DENND1A: variants seen among roughly 807,000 people sequenced by gnomAD.
DENND1A encodes the protein DENN domain containing 1A.
A neutral mutation model predicts 113.7 loss-of-function variants in DENND1A; 51 were observed. The observed-to-expected ratio is 0.45, with a 90% CI of 0.36 to 0.57. The LOEUF is 0.57. Among genes scored for constraint, DENND1A ranks in the 20% least tolerant of loss-of-function variants. The probability of loss-of-function intolerance (pLI) is 0.00; values close to 1 mark genes in which losing one functional copy is unlikely to be tolerated. For synonymous variants in DENND1A, 565 were observed against 570.8 expected (o/e 0.99, Z 0.14); for missense variants, 1,258 against 1,395.9 (o/e 0.90, Z 1.57).
At position 123,671,378 on chromosome 9, in the gene DENND1A, G is replaced by A; in HGVS notation, c.373-7C>T. 3 of 1,613,646 alleles carry A rather than the reference G, an allele frequency of 1.9e-6. No homozygotes were observed. Among genetic ancestry groups the A allele is most frequent in the Non-Finnish European group, 2.5e-6 (3 of 1,179,854 alleles). ...GCTCATTCCACTGATTTTCCTGAAA[G>A]AAATAAAAGGCCTAAGTAACAAAAG... On this transcript the variant is annotated splice_polypyrimidine_tract_variant and splice_region_variant and intron_variant, in intron 6 of 23. Coordinates refer to ENST00000394215, the MANE Select transcript of DENND1A (RefSeq NM_001352964.2).
At chr9:123,580,642 A>G (rs1453826451) in intron 12 of DENND1A, among the ~76,000 whole-genome samples, 1 of 152,330 alleles carries the variant, frequency 6.6e-6, no homozygotes, top group East Asian at 1.9e-4. Context: ...TGCCTGGTCC[A>G]TGCCTGAGAT....
chr9:123,707,210 C>T (rs1380121796), intron 5 of DENND1A, among the ~76,000 whole-genome samples: 1 of 152,150 alleles, frequency 6.6e-6, no homozygotes, highest in African/African-American at 2.4e-5. Flanking sequence ...GCCTGATCAA[C>T]ATCGAGAAAC....
At chr9:123,721,864 A>G (rs2067366587) in intron 5 of DENND1A, among the ~76,000 whole-genome samples, 1 of 152,188 alleles carries the variant, frequency 6.6e-6, no homozygotes, top group Non-Finnish European at 1.5e-5. Context: ...CAGCAGTGTG[A>G]AAACAGACTA....
At chr9:123,818,432 C>T (rs751235300) in intron 2 of DENND1A, among the ~76,000 whole-genome samples, 3 of 151,698 alleles carry the variant, frequency 2.0e-5, no homozygotes, top group Non-Finnish European at 4.4e-5. Flanking sequence ...GGTTGAGTAT[C>T]CCTTATCCGA....
intron 3 of DENND1A, among the ~76,000 whole-genome samples, chr9:123,776,866 G>T (rs1333778271): frequency 9.9e-5 from 15 of 152,172 alleles, no homozygotes; most frequent in Admixed American, 9.8e-4. Context: ...AAACGCAAAG[G>T]ACAGCTTAGA....
At position 123,382,468 on chromosome 9, in the gene DENND1A, C is replaced by A; in HGVS notation, c.2177G>T (p.Gly726Val). ...ASPEKPSALLGNSLALPRRPQ... is the reference protein window; with the variant it reads ...ASPEKPSALLVNSLALPRRPQ... ...CCTTCGAGGCAGGGCCAGGGAGTTTCCGAGCAGGGCTGAGGGCTTCTCAGG... is the reference window on the plus strand; with the variant it reads ...CCTTCGAGGCAGGGCCAGGGAGTTTACGAGCAGGGCTGAGGGCTTCTCAGG... The change falls in exon 24 of 24, where the codon GGA becomes GTA. Residue 726 changes from glycine to valine, a missense_variant. Transcript: ENST00000394215. 1 of 1,613,458 alleles carries A rather than the reference C, an allele frequency of 6.2e-7. No individual in the cohort carries two copies. The highest frequency in any genetic ancestry group is 8.5e-7 in the Non-Finnish European group (1 of 1,179,742).
chr9:123,744,911 G>A (rs1166783608), intron 5 of DENND1A, among the ~76,000 whole-genome samples: 5 of 151,816 alleles, frequency 3.3e-5, no homozygotes, highest in African/African-American at 7.3e-5. Context: ...GAGTAGCTGG[G>A]ATTACAGGCG....
chr9:123,556,794 C>T (rs1335273437), intron 13 of DENND1A, among the ~76,000 whole-genome samples: 1 of 152,246 alleles, frequency 6.6e-6, no homozygotes, highest in Non-Finnish European at 1.5e-5. Context: ...CCTGCATTCT[C>T]CTCAACCAGA....
At chr9:123,765,658 T>C (rs979434297) in intron 4 of DENND1A, among the ~76,000 whole-genome samples, 2 of 152,216 alleles carry the variant, frequency 1.3e-5, no homozygotes, top group African/African-American at 4.8e-5. Flanking sequence ...ATCCAATGCA[T>C]GTCTCAAGTG....
At chr9:123,792,742 G>A in intron 2 of DENND1A, 112 bp from the exon 3 acceptor site, 1 of 1,190,138 alleles carries the variant, frequency 8.4e-7, no homozygotes, top group Non-Finnish European at 1.2e-6. Flanking sequence ...GGGATCCAAG[G>A]GGGGCAGCTG....
At chr9:123,542,989 G>C (rs374088416) in intron 13 of DENND1A, among the ~76,000 whole-genome samples, 153 of 152,314 alleles carry the variant, frequency 1.0e-3, no homozygotes, top group East Asian at 4.6e-3. Context: ...GGACCTAGAG[G>C]ACCAAGTAGA....
At chr9:123,675,727 C>CTGA (rs1419044506) in intron 6 of DENND1A, among the ~76,000 whole-genome samples, 1 of 152,142 alleles carries the variant, frequency 6.6e-6, no homozygotes, top group African/African-American at 2.4e-5. Flanking sequence ...ACAAATGATC[C>CTGA]TGATGAGAGT....
At chr9:123,465,909 G>A (rs923127983) in intron 13 of DENND1A, among the ~76,000 whole-genome samples, 3 of 152,254 alleles carry the variant, frequency 2.0e-5, no homozygotes, top group Non-Finnish European at 2.9e-5. Flanking sequence ...GTATTTTATA[G>A]CTTGTACATG....
chr9:123,777,684 C>T lies in DENND1A; in HGVS notation c.133-8121G>A, dbSNP rs144659048. 3.9e-5 allele frequency among the ~76,000 whole-genome samples: 6 copies of T among 152,318 alleles called. No individual in the cohort carries two copies. In the East Asian group the frequency reaches 7.7e-4, roughly 20 times the overall value. ...GATCATAGTTTGGTAATATACCTAA[C>T]CTTCTGCTTATTAGCTCTTGTATGA... On this transcript the variant is annotated intron_variant, in intron 3 of 23. Coordinates refer to ENST00000394215, the MANE Select transcript of DENND1A (RefSeq NM_001352964.2).
intron 21 of DENND1A, chr9:123,401,328 G>T: frequency 4.3e-6 from 1 of 234,336 alleles, no homozygotes; most frequent in Non-Finnish European, 7.3e-6. Flanking sequence ...CATTTGGAAG[G>T]GGCGGAGCAC....
chr9:123,610,451 T>C (rs2060366321), intron 10 of DENND1A, among the ~76,000 whole-genome samples: 1 of 152,222 alleles, frequency 6.6e-6, no homozygotes, highest in African/African-American at 2.4e-5. Context: ...ACCTGGGATT[T>C]GATTCCCAAG....
At chr9:123,905,002 A>T (rs1164169290) in intron 1 of DENND1A, among the ~76,000 whole-genome samples, 2 of 152,250 alleles carry the variant, frequency 1.3e-5, no homozygotes, top group East Asian at 1.9e-4. Context: ...GACTAACAGC[A>T]GATCTCTCAG....
intron 10 of DENND1A, among the ~76,000 whole-genome samples, chr9:123,615,412 A>G (rs2060604300): frequency 6.6e-6 from 1 of 152,212 alleles, no homozygotes; most frequent in Non-Finnish European, 1.5e-5. Context: ...CACAGCCTGC[A>G]GAGGAAGGAG....
chr9:123,584,907 C>G (rs866804660), intron 11 of DENND1A, among the ~76,000 whole-genome samples: 2 of 152,194 alleles, frequency 1.3e-5, no homozygotes, highest in Non-Finnish European at 2.9e-5. Flanking sequence ...CTGTGGCTCA[C>G]CACTGCAAAA....
Sources: gnomAD v4.1 joint callset for allele counts (sites outside exome capture counted in the v4.1 genomes callset) on GRCh38, gnomAD v4.1.1 for gene constraint, MANE v1.5 for transcripts, NCBI Gene and HGNC (gene_info 2026-07-23, HGNC 2026-07-21) for gene names.